Variants in BLTP1 observed in about 807,000 individuals in gnomAD.
BLTP1 encodes fragile site-associated protein.
chr4:122,332,726 A>G, the BLTP1 span, among the ~76,000 whole-genome samples: 19 of 138,822 alleles, frequency 1.4e-4, no homozygotes, highest in Admixed American at 8.2e-4. Flanking sequence ...GGTGTGCTGC[A>G]CCCACTAACT....
At chr4:122,207,549 G>A in the BLTP1 span, 1 of 1,591,530 alleles carries the variant, frequency 6.3e-7, no homozygotes, top group Non-Finnish European at 8.5e-7. Context: ...AGTGTATCTG[G>A]CAGCCTGTGG....
chr4:122,307,573 A>G, the BLTP1 span: 1 of 984,906 alleles, frequency 1.0e-6, no homozygotes, highest in Non-Finnish European at 1.2e-6. Flanking sequence ...AGCATTATGT[A>G]CCTTAAAGAA....
At chr4:122,211,678 G>A in the BLTP1 span, among the ~76,000 whole-genome samples, 1 of 152,040 alleles carries the variant, frequency 6.6e-6, no homozygotes, top group Non-Finnish European at 1.5e-5. Context: ...ACTCATTTTG[G>A]TATAATTTTT....
At chr4:122,297,702 A>G in the BLTP1 span, among the ~76,000 whole-genome samples, 1 of 152,246 alleles carries the variant, frequency 6.6e-6, no homozygotes, top group Non-Finnish European at 1.5e-5. Flanking sequence ...TGTGGTATAT[A>G]TACACCATGG....
At chr4:122,274,126 A>G in the BLTP1 span, among the ~76,000 whole-genome samples, 1 of 152,098 alleles carries the variant, frequency 6.6e-6, no homozygotes. Context: ...CATTATTGCA[A>G]TTTTGACATT....
the BLTP1 span, among the ~76,000 whole-genome samples, chr4:122,288,077 TA>T: frequency 2.0e-5 from 3 of 152,160 alleles, no homozygotes; most frequent in African/African-American, 4.8e-5. Flanking sequence ...GCATCCCTCT[TA>T]GAGTTGCCTA....
At chr4:122,314,043 G>A in the BLTP1 span, 1 of 961,754 alleles carries the variant, frequency 1.0e-6, no homozygotes, top group Non-Finnish European at 1.2e-6. Flanking sequence ...AATTCCGGTT[G>A]CTATTGAAAT....
At chr4:122,272,200 T>C in the BLTP1 span, 3 of 1,613,206 alleles carry the variant, frequency 1.9e-6, no homozygotes, top group Non-Finnish European at 2.5e-6. Context: ...AAGTTGTGTT[T>C]GAGAATGAAC....
the BLTP1 span, among the ~76,000 whole-genome samples, chr4:122,264,882 T>G: frequency 6.6e-6 from 1 of 152,214 alleles, no homozygotes; most frequent in Non-Finnish European, 1.5e-5. Context: ...GATGAATTAT[T>G]GAAATAGTTC....
At chr4:122,185,052 A>G in the BLTP1 span, 8 of 985,380 alleles carry the variant, frequency 8.1e-6, no homozygotes, top group Non-Finnish European at 8.4e-6. Context: ...AGAAGACTAA[A>G]TACTAGTGAA....
the BLTP1 span, chr4:122,336,752 A>G: frequency 7.9e-7 from 1 of 1,269,986 alleles, no homozygotes; most frequent in Non-Finnish European, 1.0e-6. Flanking sequence ...TATAGAATGA[A>G]GGGCTACAGA....
the BLTP1 span, chr4:122,331,710 C>G: frequency 2.0e-6 from 2 of 978,760 alleles, no homozygotes; most frequent in Non-Finnish European, 2.4e-6. Flanking sequence ...TTCTTATAAA[C>G]AAGTGCATAA....
chr4:122,155,725 A>G, the BLTP1 span, among the ~76,000 whole-genome samples: 2 of 152,214 alleles, frequency 1.3e-5, no homozygotes, highest in Non-Finnish European at 2.9e-5. Context: ...GAAAATTTTG[A>G]GGAACTTGTA....
the BLTP1 span, chr4:122,198,294 T>C: frequency 8.3e-4 from 820 of 985,146 alleles, 1 homozygote; most frequent in Admixed American, 1.6e-3. Flanking sequence ...TTGAAGGAAA[T>C]GTTTGAGATT....
At chr4:122,346,615 T>C in the BLTP1 span, 1 of 1,609,302 alleles carries the variant, frequency 6.2e-7, no homozygotes, top group Admixed American at 1.7e-5. Flanking sequence ...ATGTTATTTA[T>C]GTATCAGCTG....
the BLTP1 span, among the ~76,000 whole-genome samples, chr4:122,165,246 C>T: frequency 4.3e-3 from 651 of 151,982 alleles, 2 homozygotes; most frequent in African/African-American, 0.014. Flanking sequence ...TGATAGGCCC[C>T]GGTGTGTGAT....
chr4:122,355,931 G>A, the BLTP1 span: 1 of 1,611,656 alleles, frequency 6.2e-7, no homozygotes, highest in Non-Finnish European at 8.5e-7. Context: ...GCATTACCAA[G>A]GATGCAGCTT....
At chr4:122,262,792 A>G in the BLTP1 span, 1 of 1,611,816 alleles carries the variant, frequency 6.2e-7, no homozygotes, top group Non-Finnish European at 8.5e-7. Flanking sequence ...TCTCTGAGCT[A>G]TACCAGTGGA....
chr4:122,252,026 A>G, the BLTP1 span, among the ~76,000 whole-genome samples: 2 of 152,160 alleles, frequency 1.3e-5, no homozygotes, highest in Admixed American at 1.3e-4. Context: ...GCTCCTGGAC[A>G]ACATTTCTAG....
Sources: gnomAD v4.1 joint callset for allele counts (sites outside exome capture counted in the v4.1 genomes callset) on GRCh38, gnomAD v4.1.1 for gene constraint, MANE v1.5 for transcripts, NCBI Gene and HGNC (gene_info 2026-07-23, HGNC 2026-07-21) for gene names.